The following TTLL7 variants were observed in gnomAD, a reference collection of about 807,000 sequenced individuals.
TTLL7 encodes the protein tubulin polyglutamylase TTLL7.
TTLL7 carries 53 observed loss-of-function variants against 120.2 expected under a neutral mutation model. The observed-to-expected ratio is 0.44, with a 90% confidence interval of 0.35 to 0.55. TTLL7 has a LOEUF of 0.55. Among genes scored for constraint, TTLL7 ranks in the 20% least tolerant of loss-of-function variants. The pLI is 0.00. For synonymous variants in TTLL7, 353 were observed against 351.7 expected (o/e 1.00, Z -0.04); for missense variants, 803 against 1,054.7 (o/e 0.76, Z 3.31).
chr1:83,960,747 C>T (rs1649942464), intron 1 of TTLL7, among the ~76,000 whole-genome samples: 1 of 152,094 alleles, frequency 6.6e-6, no homozygotes, highest in Non-Finnish European at 1.5e-5. Context: ...TATTTCTGTC[C>T]TTTCTGCCAA....
chr1:83,956,286 G>GTATT (rs995786564), intron 1 of TTLL7, among the ~76,000 whole-genome samples: 2 of 148,900 alleles, frequency 1.3e-5, no homozygotes, highest in African/African-American at 5.0e-5. Flanking sequence ...ATTTATTTAT[G>GTATT]TATTTATTTA....
intron 20 of TTLL7, among the ~76,000 whole-genome samples, chr1:83,873,029 T>C (rs926298747): frequency 1.3e-5 from 2 of 152,188 alleles, no homozygotes; most frequent in African/African-American, 2.4e-5. Flanking sequence ...ATAATTATCA[T>C]TGTATACTAA....
intron 1 of TTLL7, among the ~76,000 whole-genome samples, chr1:83,963,493 T>C (rs1650189055): frequency 6.6e-6 from 1 of 152,116 alleles, no homozygotes; most frequent in East Asian, 1.9e-4. Flanking sequence ...ATTCATGTTT[T>C]TTGCTTAAAC....
chr1:83,973,791 A>G (rs754728221), intron 1 of TTLL7, among the ~76,000 whole-genome samples: 98 of 151,992 alleles, frequency 6.4e-4, no homozygotes, highest in Non-Finnish European at 2.2e-4. Context: ...ATTCTGTATG[A>G]CTTCATTTAC....
intron 20 of TTLL7, chr1:83,880,142 T>C (rs1654315537): frequency 6.6e-6 from 1 of 152,034 alleles, no homozygotes; most frequent in Non-Finnish European, 1.5e-5. Context: ...TTCTTTTAAA[T>C]CATATAAAAG....
rs557309774 is a variant in TTLL7 at position 83,995,766 on chromosome 1, A to T, written c.-177+3165T>A. 2.1e-3 allele frequency among the ~76,000 whole-genome samples: 319 copies of T among 152,294 alleles called. 1 individual carries two copies. Among genetic ancestry groups the T allele is most frequent in the Non-Finnish European group, 3.7e-3 (250 of 68,026 alleles). ...TTATTTCTGAGACTCTATGCAAAGG[A>T]ACTAATATTCAAAATACAAAAAAAA... On this transcript the variant is annotated intron_variant, in intron 1 of 20. Transcript: ENST00000260505.
At position 83,999,000 on chromosome 1, in the gene TTLL7, C is replaced by G. The variant is rs1653746163; in HGVS notation, c.-246G>C. On this transcript the variant is annotated 5_prime_UTR_variant, in exon 1 of 21. Transcript: ENST00000260505. ...AGCGGTCCCCCAGGTGCTCCCGCGC[C>G]TCGCAGCTTCCCCGTGGGCGGCCGC... is the stretch of plus-strand genomic sequence containing the variant. 1 of 444,438 alleles carries G rather than the reference C, an allele frequency of 2.3e-6. No homozygotes were observed. Among genetic ancestry groups the G allele is most frequent in the Admixed American group, 2.4e-5 (1 of 41,666 alleles). 27.5% of individuals were successfully genotyped at this position (444,438 alleles called of 1,614,324 possible).
At chr1:83,892,719 T>TATATGAGCAC (rs1262628142) in intron 18 of TTLL7, among the ~76,000 whole-genome samples, 27 of 39,798 alleles carry the variant, frequency 6.8e-4, no homozygotes, top group Non-Finnish European at 9.1e-4. Flanking sequence ...TATGAACATA[T>TATATGAGCAC]ATATGTGAAC....
chr1:83,892,328 GTATATATGAA>G (rs1557562218), intron 18 of TTLL7, among the ~76,000 whole-genome samples: 1 of 26,820 alleles, frequency 3.7e-5, no homozygotes, highest in South Asian at 1.3e-3. Context: ...GAATATATAT[GTATATATGAA>G]TATATATACG....
chr1:83,942,607 C>T lies in TTLL7; in HGVS notation c.579G>A (p.Lys193=). The T allele has an allele frequency of 1.2e-6, 2 of 1,613,908 alleles. No homozygotes were observed. The highest frequency in any genetic ancestry group is 8.5e-7 in the Non-Finnish European group (1 of 1,179,878). Residue 193 remains lysine, a synonymous_variant, in exon 7 of 21, where the codon AAG becomes AAA. Coordinates refer to ENST00000260505, the MANE Select transcript of TTLL7 (RefSeq NM_024686.6). ...DHLIVQEYIE[K]PFLMEGYKFD... ...ACTTGTAACCTTCCATTAGGAAAGGCTTTTCAATGTATTCTTGAACAATCA... is the reference window on the plus strand; with the variant it reads ...ACTTGTAACCTTCCATTAGGAAAGGTTTTTCAATGTATTCTTGAACAATCA...
At chr1:83,917,364 G>A (rs1272400344) in intron 14 of TTLL7, among the ~76,000 whole-genome samples, 2 of 151,982 alleles carry the variant, frequency 1.3e-5, no homozygotes, top group Non-Finnish European at 2.9e-5. Context: ...GGTCCCTTTT[G>A]GCCCTGACTC....
In TTLL7 at chr1:83,868,093, AG is replaced by A. The variant is rs1018453458; in HGVS notation, c.*1868del. ...TAAACAAATCATTTCAGCCTAAAAA[AG>A]GCTCAGAAGATGGCTTGAAAAGCAA... On this transcript the variant is annotated 3_prime_UTR_variant, in exon 21 of 21. Transcript: ENST00000260505. The A allele has an allele frequency of 1.1e-4, 17 of 152,180 alleles. No homozygotes were observed. Among genetic ancestry groups the A allele is most frequent in the African/African-American group, 3.4e-4 (14 of 41,456 alleles). 9.4% of individuals were successfully genotyped at this position (152,180 alleles called of 1,614,324 possible).
chr1:83,919,572 A>T, intron 13 of TTLL7, 127 bp downstream of exon 13: 1 of 859,952 alleles, frequency 1.2e-6, no homozygotes, highest in Middle Eastern at 3.8e-4. Context: ...CTGTTAAAAT[A>T]GAAAGCTTGG....
chr1:83,889,844 C>A (rs1296153351), intron 19 of TTLL7: 1 of 450,478 alleles, frequency 2.2e-6, no homozygotes, highest in African/African-American at 2.0e-5. Flanking sequence ...TGCAGATGCC[C>A]CTGTGATATC....
chr1:83,896,281 C>T (rs1656215870), intron 18 of TTLL7, among the ~76,000 whole-genome samples: 2 of 151,926 alleles, frequency 1.3e-5, no homozygotes, highest in South Asian at 4.1e-4. Flanking sequence ...TTAAGCTCTC[C>T]AAGGGAAAAA....
intron 18 of TTLL7, among the ~76,000 whole-genome samples, chr1:83,891,869 C>A: frequency 6.6e-6 from 1 of 151,820 alleles, no homozygotes; most frequent in East Asian, 1.9e-4. Context: ...GCTCTGTCAC[C>A]CAGGCTGGAG....
chr1:83,902,558 G>T, intron 18 of TTLL7, among the ~76,000 whole-genome samples: 1 of 151,826 alleles, frequency 6.6e-6, no homozygotes, highest in Non-Finnish European at 1.5e-5. Context: ...TCTTTTCTTG[G>T]CTTCAAGGAC....
intron 7 of TTLL7, among the ~76,000 whole-genome samples, chr1:83,939,877 A>T (rs1647775800): frequency 6.6e-6 from 1 of 152,184 alleles, no homozygotes; most frequent in African/African-American, 2.4e-5. Context: ...TGCCGTCCAG[A>T]AACACCCAAT....
intron 1 of TTLL7, chr1:83,980,723 G>C (rs972343309): frequency 6.6e-6 from 1 of 152,042 alleles, no homozygotes; most frequent in Non-Finnish European, 1.5e-5. Flanking sequence ...AAAAATACAA[G>C]TACACATAAC....
Sources: allele counts gnomAD v4.1 joint callset (sites outside exome capture counted in the v4.1 genomes callset), GRCh38; gene constraint gnomAD v4.1.1; transcripts MANE v1.5; gene names NCBI Gene and HGNC (gene_info 2026-07-23, HGNC 2026-07-21).